Variants in PCDHGA7 observed in about 807,000 individuals in gnomAD.
PCDHGA7 encodes protocadherin gamma-A7.
In PCDHGA7, 44 loss-of-function variants were observed where a neutral mutation model predicts 58.3. The ratio of observed to expected loss-of-function variants is 0.75; its 90% CI spans 0.59 to 0.97. PCDHGA7 has a LOEUF of 0.97. Ranked by LOEUF, PCDHGA7 falls within the 50% of genes least tolerant of loss-of-function variation. The pLI, the probability that PCDHGA7 is intolerant of heterozygous loss-of-function variation, is 0.00. For missense variants in PCDHGA7, 1,266 were observed against 1,188.7 expected, an observed-to-expected ratio of 1.06 and a Z score of -0.96; for synonymous variants, 516 against 504.2, an observed-to-expected ratio of 1.02 and a Z score of -0.31.
chr5:141,392,194 T>C (rs1486735796), intron 1 of PCDHGA7: 1 of 152,238 alleles, frequency 6.6e-6, no homozygotes, highest in East Asian at 1.9e-4. Context: ...TCTATTTTAG[T>C]CTCAAGATAA....
At chr5:141,399,470 TC>T in intron 1 of PCDHGA7, 1 of 1,614,018 alleles carries the variant, frequency 6.2e-7, no homozygotes, top group South Asian at 1.1e-5. Context: ...GCTCCGGTTT[TC>T]CACCAGGCGT....
intron 1 of PCDHGA7, chr5:141,415,485 T>C (rs2154545779): frequency 6.2e-7 from 1 of 1,614,044 alleles, no homozygotes; most frequent in South Asian, 1.1e-5. Flanking sequence ...CGCGAAAGAG[T>C]CACCTGATCT....
At chr5:141,410,532 A>G in intron 1 of PCDHGA7, 1 of 1,613,908 alleles carries the variant, frequency 6.2e-7, no homozygotes, top group Non-Finnish European at 8.5e-7. Context: ...CATTCCAATG[A>G]AGACATGGTT....
At chr5:141,423,674 C>T (rs57195665) in intron 1 of PCDHGA7, 3 of 1,514,742 alleles carry the variant, frequency 2.0e-6, no homozygotes, top group African/African-American at 1.5e-5. Context: ...AGATTTATTT[C>T]TCTGCCTCCT....
chr5:141,400,233 C>T lies in PCDHGA7; in HGVS notation c.2424+14910C>T, dbSNP rs373858401. ...TGATCTCAGTGCTCTTCCTCCTGGCCGTGATTCTGGCCGTTGCCTTGCGCC... is the reference window on the plus strand; with the variant it reads ...TGATCTCAGTGCTCTTCCTCCTGGCTGTGATTCTGGCCGTTGCCTTGCGCC... On this transcript the variant is annotated intron_variant, in intron 1 of 3. Coordinates refer to ENST00000518325, the MANE Select transcript of PCDHGA7 (RefSeq NM_018920.4). 100 of 1,613,988 alleles carry T rather than the reference C, an allele frequency of 6.2e-5. 1 individual carries two copies. The African/African-American group carries it at 1.1e-3, about 18-fold the overall frequency.
At chr5:141,404,672 G>T in intron 1 of PCDHGA7, 1 of 1,614,156 alleles carries the variant, frequency 6.2e-7, no homozygotes, top group Non-Finnish European at 8.5e-7. Flanking sequence ...TGGTTCTACT[G>T]GTGTGGAGCT....
At chr5:141,392,107 C>T (rs1289551398) in intron 1 of PCDHGA7, 1 of 152,168 alleles carries the variant, frequency 6.6e-6, no homozygotes, top group Non-Finnish European at 1.5e-5. Flanking sequence ...AAAGCAACAA[C>T]TCTATAGAAA....
chr5:141,506,162 C>T (rs1448735916), intron 3 of PCDHGA7, among the ~76,000 whole-genome samples: 1 of 152,124 alleles, frequency 6.6e-6, no homozygotes, highest in Non-Finnish European at 1.5e-5. Flanking sequence ...CTTAAGAGCA[C>T]AGCCTAAGCT....
intron 1 of PCDHGA7, chr5:141,392,784 A>G: frequency 6.5e-7 from 1 of 1,546,632 alleles, no homozygotes. Context: ...CACAGTGAAG[A>G]TTCTGAGAGG....
At chr5:141,460,177 T>C (rs1021646181) in intron 1 of PCDHGA7, among the ~76,000 whole-genome samples, 13 of 152,138 alleles carry the variant, frequency 8.5e-5, no homozygotes, top group African/African-American at 3.1e-4. Context: ...TTGTGGATAT[T>C]TTATCCCAGA....
Position 141,384,202 on chromosome 5 carries a change from GA to G in PCDHGA7, c.1306del (p.Thr436LeufsTer38), listed in dbSNP as rs1561601011. 1 of 1,613,852 alleles carries G rather than the reference GA, an allele frequency of 6.2e-7. No homozygotes were observed. Among genetic ancestry groups the G allele is most frequent in the Non-Finnish European group, 8.5e-7 (1 of 1,179,888 alleles). On this transcript the variant is annotated frameshift_variant, in exon 1 of 4. Transcript: ENST00000518325. LOFTEE classifies it high-confidence loss of function. Reference sequence around the variant, plus strand: ...TGGTGGAACTCCTCCCTTGTCCAGGGAAACTCACATATTCATGCAGGTGGCA... The same window carrying G: ...TGGTGGAACTCCTCCCTTGTCCAGGGAACTCACATATTCATGCAGGTGGCA... Reference protein sequence around the residue: ...TDGGTPPLSRETHIFMQVADT... With the variant: ...TDGGTPPLSRXTHIFMQVADT...
chr5:141,427,798 T>A, intron 1 of PCDHGA7: 1 of 1,506,550 alleles, frequency 6.6e-7, no homozygotes. Context: ...TACGTGTCCG[T>A]GAGCGCACAG....
At chr5:141,404,950 C>T (rs2094588760) in intron 1 of PCDHGA7, 2 of 1,613,968 alleles carry the variant, frequency 1.2e-6, no homozygotes, top group East Asian at 4.5e-5. Flanking sequence ...CCATAGCTGA[C>T]AGCATCCCAG....
chr5:141,405,370 G>T (rs2094649512), intron 1 of PCDHGA7: 1 of 1,606,236 alleles, frequency 6.2e-7, no homozygotes, highest in Non-Finnish European at 8.5e-7. Context: ...ACACCCCTTT[G>T]GTTCCGGTGA....
chr5:141,512,241 G>A lies in PCDHGA7; in HGVS notation c.*1068G>A, dbSNP rs533051658. On this transcript the variant is annotated 3_prime_UTR_variant, in exon 4 of 4. Coordinates refer to ENST00000518325, the MANE Select transcript of PCDHGA7 (RefSeq NM_018920.4). ...CCAGGTCCCCTTGAGAGGTCAGAGGGGCCTCTGTGGGTGCTGGGTACTCCA... is the reference window on the plus strand; with the variant it reads ...CCAGGTCCCCTTGAGAGGTCAGAGGAGCCTCTGTGGGTGCTGGGTACTCCA... 1 of 152,866 alleles carries A rather than the reference G, an allele frequency of 6.5e-6. No individual in the cohort carries two copies. The highest frequency in any genetic ancestry group is 2.1e-4 in the South Asian group (1 of 4,824). 9.5% of individuals were successfully genotyped at this position (152,866 alleles called of 1,614,324 possible).
At chr5:141,416,400 C>CT (rs1028319330) in intron 1 of PCDHGA7, 1 of 152,036 alleles carries the variant, frequency 6.6e-6, no homozygotes, top group African/African-American at 2.4e-5. Flanking sequence ...CTGCTTTTGT[C>CT]TTTTTTGTTA....
rs991408001 is a variant in PCDHGA7, at chr5:141,450,171, C to G, written c.2425-44636C>G. Among the ~76,000 whole-genome samples, 5 of 151,690 alleles carry G rather than the reference C, an allele frequency of 3.3e-5. No individual in the cohort carries two copies. In the East Asian group the frequency reaches 7.8e-4, roughly 24 times the overall value. ...ACAGGCATGTGCCACCACACTCCCACCACACCCAGCTAATTTTTGTATTTT... is the reference window on the plus strand; with the variant it reads ...ACAGGCATGTGCCACCACACTCCCAGCACACCCAGCTAATTTTTGTATTTT... On this transcript the variant is annotated intron_variant, in intron 1 of 3. Transcript: ENST00000518325.
intron 1 of PCDHGA7, chr5:141,413,798 AAG>A (rs914638812): frequency 2.7e-5 from 44 of 1,613,066 alleles, no homozygotes; most frequent in Non-Finnish European, 3.5e-5. Context: ...GATCGCGAGG[AAG>A]AGGCCATTCA....
intron 1 of PCDHGA7, chr5:141,389,498 A>C: frequency 6.2e-7 from 1 of 1,613,046 alleles, no homozygotes; most frequent in African/African-American, 1.3e-5. Context: ...AGGGCTCGCC[A>C]GCGCTCAGCG....
Sources: allele counts gnomAD v4.1 joint callset (sites outside exome capture counted in the v4.1 genomes callset), GRCh38; gene constraint gnomAD v4.1.1; transcripts MANE v1.5; gene names NCBI Gene and HGNC (gene_info 2026-07-23, HGNC 2026-07-21).